FKBP15: variants seen among roughly 807,000 people sequenced by gnomAD.
FKBP15 encodes FK506-binding protein 15.
Under a neutral mutation model 158.1 loss-of-function variants are expected in FKBP15, and 106 were observed. The observed-to-expected ratio is 0.67, with a 90% confidence interval of 0.57 to 0.79. The LOEUF (loss-of-function observed/expected upper bound fraction) is 0.79. FKBP15 is among the 30% of genes least tolerant of loss of function. FKBP15 has a pLI of 0.00. For missense variants in FKBP15, 1,287 were observed against 1,479.1 expected, an observed-to-expected ratio of 0.87 and a Z score of 2.13; for synonymous variants, 547 against 548.6, an observed-to-expected ratio of 1.00 and a Z score of 0.04.
chr9:113,169,352 C>A lies in FKBP15; in HGVS notation c.3357G>T (p.Gln1119His). The A allele has an allele frequency of 6.2e-7, 1 of 1,614,060 alleles. No individual in the cohort carries two copies. The highest frequency in any genetic ancestry group is 8.5e-7 in the Non-Finnish European group (1 of 1,179,896). The change falls in exon 26 of 28, where the codon CAG becomes CAT. Residue 1119 changes from glutamine (Q) to histidine (H), a missense_variant. Transcript: ENST00000238256. ...ALGPESPGEP[Q>H]PPQLKKDDVT... ...CATCATCTTTCTTGAGCTGTGGAGGCTGAGGCTCTCCTGGGCTTTCAGGCC... is the reference window on the plus strand; with the variant it reads ...CATCATCTTTCTTGAGCTGTGGAGGATGAGGCTCTCCTGGGCTTTCAGGCC...
intron 1 of FKBP15, among the ~76,000 whole-genome samples, chr9:113,212,380 G>T (rs1156888323): frequency 6.6e-6 from 1 of 151,938 alleles, no homozygotes; most frequent in Non-Finnish European, 1.5e-5. Flanking sequence ...GTAGAGACGG[G>T]GTTTCACCAT....
intron 23 of FKBP15, 103 bp from the exon 24 acceptor site, chr9:113,171,809 T>A: frequency 9.5e-7 from 1 of 1,049,688 alleles, no homozygotes; most frequent in South Asian, 2.7e-5. Flanking sequence ...TTTTTTTTTT[T>A]TTTGCATATA....
chr9:113,193,706 T>G lies in FKBP15; in HGVS notation c.1008-157A>C, dbSNP rs116192048. Among the ~76,000 whole-genome samples the G allele has an allele frequency of 6.5e-3, 993 of 152,368 alleles. 16 individuals carry two copies. Among genetic ancestry groups the G allele is most frequent in the African/African-American group, 0.023 (953 of 41,584 alleles). ...TTCTTTAGTTTGCATAATCTTTGAA[T>G]GCTAGTAAAGATGAACAACTTTCCA... On this transcript the variant is annotated intron_variant, in intron 10 of 27. Transcript: ENST00000238256.
intron 24 of FKBP15, among the ~76,000 whole-genome samples, chr9:113,170,956 G>C (rs1830197187): frequency 6.6e-6 from 1 of 152,160 alleles, no homozygotes; most frequent in African/African-American, 2.4e-5. Context: ...AGGCTCTAAG[G>C]GTCAGAGGCC....
intron 13 of FKBP15, 146 bp downstream of exon 13, chr9:113,188,243 G>A (rs1830516510): frequency 2.9e-6 from 2 of 685,236 alleles, no homozygotes; most frequent in Non-Finnish European, 4.9e-6. Context: ...GCCTTACCCA[G>A]GGACAAACTG....
chr9:113,205,572 T>C, intron 4 of FKBP15, among the ~76,000 whole-genome samples: 2 of 152,190 alleles, frequency 1.3e-5, no homozygotes, highest in Non-Finnish European at 2.9e-5. Context: ...CTTGTGGGAA[T>C]GTGAAATGGT....
At chr9:113,190,956 A>G (rs1188979474) in intron 11 of FKBP15, among the ~76,000 whole-genome samples, 1 of 152,204 alleles carries the variant, frequency 6.6e-6, no homozygotes, top group African/African-American at 2.4e-5. Flanking sequence ...AATTCGGTAG[A>G]TAATTCAGAA....
chr9:113,193,387 C>T (rs564404194), intron 11 of FKBP15, 105 bp downstream of exon 11: 4 of 797,750 alleles, frequency 5.0e-6, no homozygotes, highest in South Asian at 1.9e-5. Flanking sequence ...GTTGCCTAGG[C>T]TGGTCTTGAA....
rs934525124 is a variant in FKBP15 at position 113,200,047 on chromosome 9, T to C, written c.499-84A>G. 2.6e-4 allele frequency: 355 copies of C among 1,387,328 alleles called. 2 individuals are homozygous for C. The highest frequency in any genetic ancestry group is 2.3e-4 in the Non-Finnish European group (241 of 1,028,442). 85.9% of individuals were successfully genotyped at this position (1,387,328 alleles called of 1,614,324 possible). ...TTTATTGCTACTGCTCTTTCTCAAA[T>C]AGCTTCATCCACTAACAAAACAGAT... On this transcript the variant is annotated intron_variant, in intron 6 of 27. Transcript: ENST00000238256.
chr9:113,203,361 T>A (rs986211924), intron 4 of FKBP15, among the ~76,000 whole-genome samples: 1 of 152,118 alleles, frequency 6.6e-6, no homozygotes, highest in African/African-American at 2.4e-5. Context: ...ATGAAAAACA[T>A]AAAATACATG....
At chr9:113,218,377 T>TTTTA (rs1346739916) in intron 1 of FKBP15, among the ~76,000 whole-genome samples, 3 of 101,502 alleles carry the variant, frequency 3.0e-5, no homozygotes, top group Admixed American at 1.1e-4. Context: ...GTAAATACAA[T>TTTTA]TATATATATA....
intron 9 of FKBP15, among the ~76,000 whole-genome samples, chr9:113,195,348 T>C (rs1587965471): frequency 6.6e-6 from 1 of 152,234 alleles, no homozygotes; most frequent in East Asian, 1.9e-4. Flanking sequence ...TATCGATTTG[T>C]CATTCTTTGA....
intron 11 of FKBP15, among the ~76,000 whole-genome samples, chr9:113,192,960 C>T (rs1029708766): frequency 2.6e-5 from 4 of 152,164 alleles, no homozygotes; most frequent in Middle Eastern, 3.2e-3. Context: ...ACACCAGTCT[C>T]CTAAATCCTA....
chr9:113,207,996 G>A (rs535989836), intron 2 of FKBP15, among the ~76,000 whole-genome samples: 1 of 152,218 alleles, frequency 6.6e-6, no homozygotes, highest in South Asian at 2.1e-4. Context: ...TGTCTTCTAG[G>A]GTGGGAAATT....
chr9:113,220,630 C>T (rs190496431), intron 1 of FKBP15, among the ~76,000 whole-genome samples: 95 of 152,338 alleles, frequency 6.2e-4, no homozygotes, highest in African/African-American at 2.2e-3. Flanking sequence ...TAAGCAGTCC[C>T]TGTCCGGTGA....
In FKBP15 at chr9:113,217,211, T is replaced by C. The variant is rs10817462; in HGVS notation, c.53+3980A>G. 3.6e-5 allele frequency among the ~76,000 whole-genome samples: 5 copies of C among 138,428 alleles called. No homozygotes were observed. In the Admixed American group the frequency reaches 3.6e-4, roughly 10 times the overall value. The allele number at this position is 138,428 out of a possible 152,430, so 90.8% of individuals were successfully genotyped here. A position where few individuals can be genotyped will look rare whatever the true frequency, so the allele number is the denominator to read the frequency against. On this transcript the variant is annotated intron_variant, in intron 1 of 27. Transcript: ENST00000238256. ...GAGCCACCACGCCCAGTTTTTTTTT[T>C]TTTTTTTTTTTTTTTTAATGAGACG...
At chr9:113,182,585 A>G (rs563072554) in intron 19 of FKBP15, among the ~76,000 whole-genome samples, 181 bp downstream of exon 19, 1 of 152,358 alleles carries the variant, frequency 6.6e-6, no homozygotes, top group African/African-American at 2.4e-5. Flanking sequence ...CCTTACTGCG[A>G]AGCATATTAT....
chr9:113,161,937 G>C lies in FKBP15; in HGVS notation c.*4141C>G. The C allele has an allele frequency of 1.6e-6, 1 of 623,154 alleles. No individual in the cohort carries two copies. The highest frequency in any genetic ancestry group is 2.9e-6 in the Non-Finnish European group (1 of 346,738). 38.6% of individuals were successfully genotyped at this position (623,154 alleles called of 1,614,324 possible). A position where few individuals can be genotyped will look rare whatever the true frequency, so the allele number is the denominator to read the frequency against. On this transcript the variant is annotated 3_prime_UTR_variant, in exon 28 of 28. Coordinates refer to ENST00000238256, the MANE Select transcript of FKBP15 (RefSeq NM_015258.2). ...AGAGGCTCAGAAGGCTTTCTTTAGG[G>C]AACAGTGATCTTCAGGTGCAGGCCC...
In FKBP15 at chr9:113,198,778, G is replaced by A; in HGVS notation, c.717+77C>T. On this transcript the variant is annotated intron_variant, in intron 8 of 27. Transcript: ENST00000238256. This position sits in a 1 kb window ranked among gnomAD's most constrained non-coding sequence, Gnocchi z 5.2. ...AAAAAATAAAAATAAAATAAAAAAA[G>A]GAATTCCACAAAATTTAATCTAAGT... 1 of 997,162 alleles carries A rather than the reference G, an allele frequency of 1.0e-6. No homozygotes were observed. The highest frequency in any genetic ancestry group is 1.5e-6 in the Non-Finnish European group (1 of 680,026). The allele number at this position is 997,162 out of a possible 1,614,324, so 61.8% of individuals were successfully genotyped here. A position where few individuals can be genotyped will look rare whatever the true frequency, so the allele number is the denominator to read the frequency against.
Sources: allele counts gnomAD v4.1 joint callset (sites outside exome capture counted in the v4.1 genomes callset), GRCh38; gene constraint gnomAD v4.1.1; non-coding constraint Gnocchi (gnomAD v3.1); transcripts MANE v1.5; gene names NCBI Gene and HGNC (gene_info 2026-07-23, HGNC 2026-07-21).